Variants in MMD2 observed in about 807,000 individuals in gnomAD.
MMD2 encodes the protein monocyte to macrophage differentiation factor 2.
In MMD2, 30 loss-of-function variants were observed where a neutral mutation model predicts 33.5. The ratio of observed to expected loss-of-function variants is 0.90; its 90% CI spans 0.67 to 1.22. MMD2 has a LOEUF of 1.22. MMD2 is among the 50% of genes most tolerant of loss of function. The pLI is 0.00. For missense variants in MMD2, 364 were observed against 325.4 expected (o/e 1.12, Z -0.91); for synonymous variants, 129 against 123.0 (o/e 1.05, Z -0.32).
At chr7:4,951,761 G>A (rs1042742656) in intron 1 of MMD2, among the ~76,000 whole-genome samples, 2 of 152,032 alleles carry the variant, frequency 1.3e-5, no homozygotes, top group Non-Finnish European at 2.9e-5. Context: ...CACTACAACT[G>A]GCTAATTTTT....
chr7:4,907,295 C>T lies in MMD2; in HGVS notation c.*101G>A. On this transcript the variant is annotated 3_prime_UTR_variant, in exon 7 of 7. Coordinates refer to ENST00000401401, the MANE Select transcript of MMD2 (RefSeq NM_198403.4). ...CCTTGGAGCCATCAAGAACTCTACCCAATAAAGGGAAGACAGGCCTTGGCG... is the reference window on the plus strand; with the variant it reads ...CCTTGGAGCCATCAAGAACTCTACCTAATAAAGGGAAGACAGGCCTTGGCG... 8.5e-7 allele frequency: 1 copy of T among 1,170,806 alleles called. No individual in the cohort carries two copies. The highest frequency in any genetic ancestry group is 1.3e-6 in the Non-Finnish European group (1 of 795,624). 72.5% of individuals were successfully genotyped at this position (1,170,806 alleles called of 1,614,324 possible).
At chr7:4,944,761 T>TTA (rs1491530969) in intron 1 of MMD2, among the ~76,000 whole-genome samples, 6 of 43,772 alleles carry the variant, frequency 1.4e-4, no homozygotes, top group African/African-American at 8.6e-4. Context: ...CTTCTTCTTC[T>TTA]TTTTTTTTTT....
chr7:4,918,384 T>C (rs1048177548), intron 3 of MMD2, among the ~76,000 whole-genome samples: 3 of 152,078 alleles, frequency 2.0e-5, no homozygotes, highest in Non-Finnish European at 4.4e-5. Flanking sequence ...GCATATAGCT[T>C]TATGGGGGGC....
In MMD2 at chr7:4,946,834, G is replaced by A. The variant is rs114256516; in HGVS notation, c.47+12137C>T. 3.1e-3 allele frequency among the ~76,000 whole-genome samples: 479 copies of A among 152,158 alleles called. 2 individuals carry two copies. Among genetic ancestry groups the A allele is most frequent in the African/African-American group, 0.011 (446 of 41,518 alleles). On this transcript the variant is annotated intron_variant, in intron 1 of 6. Coordinates refer to ENST00000401401, the MANE Select transcript of MMD2 (RefSeq NM_198403.4). This position sits in a 1 kb window ranked among gnomAD's most constrained non-coding sequence, Gnocchi z 5.0. ...GCAGCCTCGAATTCCTGGGCTCAAC[G>A]GATCCTCCCCAGTAGCTGGGACTAC...
rs1300745742 is a variant in MMD2, at chr7:4,937,404, A to AAAAAAGAAAG, written c.48-11882_48-11873dup. Among the ~76,000 whole-genome samples, 19 of 152,066 alleles carry AAAAAAGAAAG rather than the reference A, an allele frequency of 1.2e-4. 1 individual carries two copies. The highest frequency in any genetic ancestry group is 4.2e-4 in the South Asian group (2 of 4,804). On this transcript the variant is annotated intron_variant, in intron 1 of 6. Coordinates refer to ENST00000401401, the MANE Select transcript of MMD2 (RefSeq NM_198403.4). ...AGAGAGAGACTCTGTCACAAAAAGA[A>AAAAAAGAAAG]AAAAAGAAAGAAAAAGAAAGAAAGA...
intron 3 of MMD2, 91 bp downstream of exon 3, chr7:4,920,080 G>A (rs181739784): frequency 7.2e-7 from 1 of 1,390,182 alleles, no homozygotes; most frequent in South Asian, 1.3e-5. Flanking sequence ...TCACCAGGCA[G>A]ACCGGATATC....
intron 1 of MMD2, among the ~76,000 whole-genome samples, chr7:4,943,004 CTTTTTTTTTTTTTT>C (rs33983457): frequency 2.3e-5 from 2 of 85,686 alleles, no homozygotes; most frequent in South Asian, 5.0e-4. Flanking sequence ...CTGCCCTTTT[CTTTTTTTTTTTTTT>C]TTTTTTTTTG....
intron 1 of MMD2, among the ~76,000 whole-genome samples, chr7:4,943,110 A>G (rs1028746274): frequency 6.7e-6 from 1 of 149,862 alleles, no homozygotes; most frequent in Admixed American, 6.8e-5. Context: ...CCTGGGTTCA[A>G]GCGATTCTCC....
At position 4,940,858 on chromosome 7, in the gene MMD2, C is replaced by A. The variant is rs2115139780; in HGVS notation, c.48-15326G>T. Among the ~76,000 whole-genome samples the A allele has an allele frequency of 6.6e-6, 1 of 152,262 alleles. No homozygotes were observed. Reference sequence around the variant, plus strand: ...TGTGCGTGGCATCCCATGTGAACGGCCCCCTGGGCCTGGGGGTACTGACCC... The same window carrying A: ...TGTGCGTGGCATCCCATGTGAACGGACCCCTGGGCCTGGGGGTACTGACCC... On this transcript the variant is annotated intron_variant, in intron 1 of 6. Transcript: ENST00000401401. This position sits in a 1 kb window ranked among gnomAD's most constrained non-coding sequence, Gnocchi z 5.0.
chr7:4,910,342 C>A (rs956863538), intron 5 of MMD2, among the ~76,000 whole-genome samples: 22 of 152,200 alleles, frequency 1.4e-4, no homozygotes, highest in Admixed American at 6.5e-5. Flanking sequence ...TGGGTTGCTG[C>A]AGCAGCTGAA....
At chr7:4,903,204 C>G (rs1011163658), downstream of MMD2, among the ~76,000 whole-genome samples, 10 of 152,182 alleles carry the variant, frequency 6.6e-5, no homozygotes, top group Admixed American at 5.2e-4. Context: ...CGCCACTGCA[C>G]TCCAGCCTGG....
At chr7:4,929,598 C>T (rs1337958480) in intron 1 of MMD2, among the ~76,000 whole-genome samples, 1 of 151,974 alleles carries the variant, frequency 6.6e-6, no homozygotes, top group Non-Finnish European at 1.5e-5. Context: ...TGTCTTGGCT[C>T]ACTGCAACCT....
intron 1 of MMD2, among the ~76,000 whole-genome samples, chr7:4,956,085 T>G (rs1256339593): frequency 6.6e-6 from 1 of 152,050 alleles, no homozygotes; most frequent in Admixed American, 6.6e-5. Context: ...GCCACATCTG[T>G]GGCTTGTATA....
At chr7:4,944,434 G>A (rs1298915055) in intron 1 of MMD2, among the ~76,000 whole-genome samples, 1 of 152,150 alleles carries the variant, frequency 6.6e-6, no homozygotes, top group Non-Finnish European at 1.5e-5. Context: ...GAGCCAAGAG[G>A]CATGACCTGG....
At chr7:4,917,664 C>T (rs2345227) in intron 3 of MMD2, among the ~76,000 whole-genome samples, 58,451 of 150,990 alleles carry the variant, frequency 0.39, 12,984 homozygotes, top group African/African-American at 0.63. Flanking sequence ...TGCACTCCAG[C>T]TTGGGCAACA....
At position 4,911,257 on chromosome 7, in the gene MMD2, AAG is replaced by A; in HGVS notation, c.366-13_366-12del. Reference sequence around the variant, plus strand: ...TCCCGAAGGTTCAGCCTGGGAGAGAAAGAGCCAAGGCCATGGCCCTGAGGGGG... The same window carrying A: ...TCCCGAAGGTTCAGCCTGGGAGAGAAAGCCAAGGCCATGGCCCTGAGGGGG... On this transcript the variant is annotated splice_polypyrimidine_tract_variant and intron_variant, in intron 4 of 6. Transcript: ENST00000401401. 1.9e-6 allele frequency: 3 copies of A among 1,571,208 alleles called. 1 individual carries two copies. The African/African-American group carries it at 4.1e-5, about 21-fold the overall frequency.
chr7:4,923,529 T>G (rs1785339854), intron 2 of MMD2, among the ~76,000 whole-genome samples: 1 of 152,128 alleles, frequency 6.6e-6, no homozygotes. Flanking sequence ...TCTTACGATG[T>G]CCATTCTACA....
chr7:4,956,819 G>C (rs755411243), intron 1 of MMD2, among the ~76,000 whole-genome samples: 1 of 152,074 alleles, frequency 6.6e-6, no homozygotes, highest in African/African-American at 2.4e-5. Flanking sequence ...TGTCCACGTC[G>C]GCAGCCTTAA....
chr7:4,932,668 A>G (rs1394755753), intron 1 of MMD2, among the ~76,000 whole-genome samples: 34 of 150,074 alleles, frequency 2.3e-4, no homozygotes, highest in African/African-American at 7.9e-4. Flanking sequence ...TGTCGCCCAG[A>G]CTGAAGTGCA....
Sources: allele counts gnomAD v4.1 joint callset (sites outside exome capture counted in the v4.1 genomes callset), GRCh38; gene constraint gnomAD v4.1.1; non-coding constraint Gnocchi (gnomAD v3.1); transcripts MANE v1.5; gene names NCBI Gene and HGNC (gene_info 2026-07-23, HGNC 2026-07-21).